MRPS6: variants seen among roughly 807,000 people sequenced by gnomAD.
The protein encoded by MRPS6 is small ribosomal subunit protein bS6m.
A neutral mutation model predicts 13.1 loss-of-function variants in MRPS6; 6 were observed. The observed-to-expected ratio is 0.46, with a 90% CI of 0.25 to 0.91. The LOEUF is 0.91. MRPS6 is among the 40% of genes least tolerant of loss of function. MRPS6 has a pLI of 0.18. For missense variants in MRPS6, 164 were observed against 155.6 expected (o/e 1.05, Z -0.29); for synonymous variants, 61 against 56.5 (o/e 1.08, Z -0.36).
intron 1 of MRPS6, chr21:34,105,553 T>C: frequency 6.0e-6 from 6 of 999,858 alleles, no homozygotes; most frequent in Non-Finnish European, 6.0e-6. Context: ...GTCCTGCTTA[T>C]GATGCTTTGT....
At chr21:34,085,149 T>C (rs184085388) in intron 1 of MRPS6, among the ~76,000 whole-genome samples, 67 of 152,368 alleles carry the variant, frequency 4.4e-4, no homozygotes, top group African/African-American at 1.6e-3. Flanking sequence ...TTTACTTGTT[T>C]AGTCTCCTTG....
In MRPS6 at chr21:34,136,069, C is replaced by A; in HGVS notation, c.186-6339C>A. ...CTGCTGGTGCTGTCTCCCACTCGGT[C>A]ATCCAGAGGGCACAGCCCGAGTGTC... On this transcript the variant is annotated intron_variant, in intron 2 of 2. Coordinates refer to ENST00000399312, the MANE Select transcript of MRPS6 (RefSeq NM_032476.4). 2.9e-5 allele frequency: 7 copies of A among 242,998 alleles called. No homozygotes were observed. In the South Asian group the frequency reaches 4.5e-4, roughly 16 times the overall value. The allele number at this position is 242,998 out of a possible 1,614,324, so 15.1% of individuals were successfully genotyped here. A position where few individuals can be genotyped will look rare whatever the true frequency, so the allele number is the denominator to read the frequency against.
At chr21:34,109,811 A>G (rs941448754) in intron 1 of MRPS6, among the ~76,000 whole-genome samples, 3 of 152,168 alleles carry the variant, frequency 2.0e-5, no homozygotes, top group African/African-American at 7.2e-5. Context: ...GTACCTGAAA[A>G]AAAAAAATCC....
At chr21:34,121,140 G>T (rs576213940) in intron 1 of MRPS6, among the ~76,000 whole-genome samples, 42 of 152,290 alleles carry the variant, frequency 2.8e-4, no homozygotes, top group Admixed American at 2.6e-4. Flanking sequence ...TTAGATTGCT[G>T]TAGTGCTGTT....
chr21:34,078,839 C>G (rs534919149), intron 1 of MRPS6, among the ~76,000 whole-genome samples: 1 of 152,140 alleles, frequency 6.6e-6, no homozygotes, highest in Non-Finnish European at 1.5e-5. Context: ...TCAGACTTTT[C>G]CTATTTAATG....
intron 1 of MRPS6, among the ~76,000 whole-genome samples, chr21:34,074,958 C>G (rs1352360444): frequency 6.6e-6 from 1 of 152,228 alleles, no homozygotes; most frequent in African/African-American, 2.4e-5. Flanking sequence ...CCTGGCCAGG[C>G]ATGCCATTGT....
At chr21:34,085,286 G>A (rs1978326834) in intron 1 of MRPS6, among the ~76,000 whole-genome samples, 1 of 152,122 alleles carries the variant, frequency 6.6e-6, no homozygotes, top group African/African-American at 2.4e-5. Context: ...ATTAGAGTTA[G>A]ATTAGCCATT....
At chr21:34,133,109 A>C (rs1427150190) in intron 2 of MRPS6, among the ~76,000 whole-genome samples, 1 of 152,158 alleles carries the variant, frequency 6.6e-6, no homozygotes, top group African/African-American at 2.4e-5. Context: ...TGGAGCTGCC[A>C]CTTCTCTTTC....
chr21:34,100,803 A>G lies in MRPS6; in HGVS notation c.46-24538A>G. The G allele has an allele frequency of 4.0e-6, 4 of 1,000,214 alleles. No homozygotes were observed. In the African/African-American group the frequency reaches 5.2e-5, roughly 13 times the overall value. The allele number at this position is 1,000,214 out of a possible 1,614,324, so 62.0% of individuals were successfully genotyped here. ...GTAGGCATATGGATCTTCCCCTCTGACTTTGAATATCATTTGGTGTGGCCT... is the reference window on the plus strand; with the variant it reads ...GTAGGCATATGGATCTTCCCCTCTGGCTTTGAATATCATTTGGTGTGGCCT... On this transcript the variant is annotated intron_variant, in intron 1 of 2. Coordinates refer to ENST00000399312, the MANE Select transcript of MRPS6 (RefSeq NM_032476.4).
intron 1 of MRPS6, among the ~76,000 whole-genome samples, chr21:34,085,797 T>C (rs1003596122): frequency 4.6e-5 from 7 of 152,010 alleles, no homozygotes; most frequent in Non-Finnish European, 8.8e-5. Flanking sequence ...AGAGACGGGG[T>C]TTCACCGTGT....
At chr21:34,092,037 T>C (rs968003114) in intron 1 of MRPS6, among the ~76,000 whole-genome samples, 3 of 152,128 alleles carry the variant, frequency 2.0e-5, no homozygotes, top group African/African-American at 4.8e-5. Flanking sequence ...GATTCTTCCA[T>C]GTGTATTCTT....
rs576350263 is a variant in MRPS6 at position 34,142,699 on chromosome 21, G to A, written c.*99G>A. The A allele has an allele frequency of 1.5e-6, 2 of 1,324,258 alleles. No homozygotes were observed. Among genetic ancestry groups the A allele is most frequent in the Admixed American group, 3.2e-5 (1 of 31,562 alleles). 82.0% of individuals were successfully genotyped at this position (1,324,258 alleles called of 1,614,324 possible). ...GCAAGTTTGGCCTTTATATAAGCAT[G>A]TGTTGCAGGTGCTGTTTGATTTTTC... On this transcript the variant is annotated 3_prime_UTR_variant, in exon 3 of 3. Coordinates refer to ENST00000399312, the MANE Select transcript of MRPS6 (RefSeq NM_032476.4).
chr21:34,129,758 A>G (rs1217399631), intron 2 of MRPS6, among the ~76,000 whole-genome samples: 2 of 152,110 alleles, frequency 1.3e-5, no homozygotes, highest in Admixed American at 6.5e-5. Context: ...CCTTTCTGCC[A>G]GTGTTCTGAC....
At chr21:34,076,536 T>C in intron 1 of MRPS6, among the ~76,000 whole-genome samples, 1 of 152,348 alleles carries the variant, frequency 6.6e-6, no homozygotes, top group South Asian at 2.1e-4. Flanking sequence ...GAGTATCTAC[T>C]TTTGTACTTC....
At chr21:34,119,686 TGGA>T (rs1980053660) in intron 1 of MRPS6, among the ~76,000 whole-genome samples, 1 of 152,176 alleles carries the variant, frequency 6.6e-6, no homozygotes, top group Admixed American at 6.5e-5. Flanking sequence ...CTGGGTATAT[TGGA>T]GGCCACTGGC....
intron 1 of MRPS6, among the ~76,000 whole-genome samples, chr21:34,092,961 T>A (rs1300498820): frequency 6.6e-6 from 1 of 152,236 alleles, no homozygotes; most frequent in Non-Finnish European, 1.5e-5. Flanking sequence ...CAGGGTTTCA[T>A]AACTGCGAAC....
chr21:34,098,515 G>T, intron 1 of MRPS6: 1 of 999,576 alleles, frequency 1.0e-6, no homozygotes, highest in South Asian at 4.7e-5. Flanking sequence ...CTACATTTTT[G>T]TTGTAGTGAC....
At chr21:34,099,408 A>C in intron 1 of MRPS6, 1 of 1,000,152 alleles carries the variant, frequency 1.0e-6, no homozygotes. Flanking sequence ...TTTTCAAAGG[A>C]ACTGTTCTTC....
chr21:34,084,796 A>T (rs1317587815), intron 1 of MRPS6, among the ~76,000 whole-genome samples: 1 of 152,196 alleles, frequency 6.6e-6, no homozygotes, highest in Non-Finnish European at 1.5e-5. Context: ...TCTTTATCTT[A>T]AAATTTTTTT....
Sources: gnomAD v4.1 joint callset for allele counts (sites outside exome capture counted in the v4.1 genomes callset) on GRCh38, gnomAD v4.1.1 for gene constraint, MANE v1.5 for transcripts, NCBI Gene and HGNC (gene_info 2026-07-23, HGNC 2026-07-21) for gene names.